The following MYO5A variants were observed in gnomAD, a reference collection of about 807,000 sequenced individuals.
MYO5A encodes myosin VA.
A neutral mutation model predicts 249.7 loss-of-function variants in MYO5A; 98 were observed. The ratio of observed to expected loss-of-function variants is 0.39; its 90% CI spans 0.33 to 0.46. MYO5A has a LOEUF of 0.46. Among genes scored for constraint, MYO5A ranks in the 20% least tolerant of loss-of-function variants. MYO5A has a pLI of 0.98. For synonymous variants in MYO5A, 778 were observed against 810.6 expected (o/e 0.96, Z 0.68); for missense variants, 1,696 against 2,308.8 (o/e 0.73, Z 5.44).
chr15:52,455,276 C>A (rs2076095374), intron 1 of MYO5A, among the ~76,000 whole-genome samples: 1 of 151,856 alleles, frequency 6.6e-6, no homozygotes, highest in Non-Finnish European at 1.5e-5. Flanking sequence ...AAATTGAAAA[C>A]CTGAACTAAT....
At chr15:52,408,806 G>A (rs1277760062) in intron 6 of MYO5A, among the ~76,000 whole-genome samples, 1 of 152,104 alleles carries the variant, frequency 6.6e-6, no homozygotes, top group South Asian at 2.1e-4. Context: ...AGTATACTCA[G>A]TTGGCTAATG....
At position 52,307,826 on chromosome 15, in the gene MYO5A, C is replaced by A. The variant is rs182750430; in HGVS notation, c.*5870G>T. The stretch of plus-strand genomic sequence containing the variant: ...ACTCATTTTTGCGCAACACTGTTAG[C>A]GCAATTTAAATCTCCCAAAGACACA... On this transcript the variant is annotated 3_prime_UTR_variant, in exon 42 of 42. Coordinates refer to ENST00000399233, the MANE Select transcript of MYO5A (RefSeq NM_001382347.1). 6.6e-6 allele frequency: 1 copy of A among 152,140 alleles called. No individual in the cohort carries two copies. The highest frequency in any genetic ancestry group is 1.9e-4 in the East Asian group (1 of 5,184). The allele number at this position is 152,140 out of a possible 1,614,324, so 9.4% of individuals were successfully genotyped here.
intron 1 of MYO5A, among the ~76,000 whole-genome samples, chr15:52,520,424 C>T (rs17651692): frequency 0.15 from 22,422 of 152,142 alleles, 1,776 homozygotes; most frequent in Middle Eastern, 0.22. Flanking sequence ...TTCCTCCAGG[C>T]CCAGTGCTGT....
chr15:52,320,863 A>G (rs941903446), intron 38 of MYO5A, among the ~76,000 whole-genome samples: 12 of 152,138 alleles, frequency 7.9e-5, no homozygotes, highest in Admixed American at 7.9e-4. Flanking sequence ...AATGCAAAAA[A>G]TTAACTGGGC....
chr15:52,356,823 T>TTTTC (rs1555432798), intron 25 of MYO5A, among the ~76,000 whole-genome samples: 1 of 127,788 alleles, frequency 7.8e-6, no homozygotes, highest in African/African-American at 4.3e-5. Context: ...TTTTTTATTT[T>TTTTC]CAGGAATTGT....
intron 5 of MYO5A, among the ~76,000 whole-genome samples, chr15:52,414,194 G>A (rs1029735683): frequency 1.3e-5 from 2 of 152,204 alleles, no homozygotes; most frequent in South Asian, 2.1e-4. Context: ...CAGGTTTCCC[G>A]TTTGTGTGTG....
intron 1 of MYO5A, among the ~76,000 whole-genome samples, chr15:52,447,832 GATT>G (rs1369755623): frequency 2.0e-5 from 3 of 152,202 alleles, no homozygotes; most frequent in African/African-American, 7.2e-5. Context: ...TGAGAGAGAT[GATT>G]TAGAGTATCT....
intron 5 of MYO5A, among the ~76,000 whole-genome samples, chr15:52,413,739 T>A (rs2043349548): frequency 6.6e-6 from 1 of 152,208 alleles, no homozygotes; most frequent in Admixed American, 6.5e-5. Context: ...GAGATGCCCT[T>A]TTTTGTAGTT....
At position 52,370,136 on chromosome 15, in the gene MYO5A, C is replaced by T. The variant is rs192813522; in HGVS notation, c.3066+33G>A. ...GATGACAGCACCTCTCTTTTGTGTA[C>T]GGAGTAGATGGGGATATGGACATTA... is the stretch of plus-strand genomic sequence containing the variant. On this transcript the variant is annotated intron_variant, in intron 22 of 41. Transcript: ENST00000399233. 36 of 1,613,124 alleles carry T rather than the reference C, an allele frequency of 2.2e-5. No homozygotes were observed. The East Asian group carries it at 2.9e-4, about 13-fold the overall frequency.
In MYO5A at chr15:52,416,190, C is replaced by T. The variant is rs750385472; in HGVS notation, c.567G>A (p.Glu189=). ...YFATVSGSAS[E]ANVEEKVLAS... ...CCAAGACCTTTTCCTCCACATTGGC[C>T]TCACTGGCAGAACCACTCACAGTTG... Residue 189 remains glutamate, a synonymous_variant, in exon 5 of 42, where the codon GAG becomes GAA. Transcript: ENST00000399233. 2.5e-6 allele frequency: 4 copies of T among 1,613,958 alleles called. No individual in the cohort carries two copies. Among genetic ancestry groups the T allele is most frequent in the Admixed American group, 3.3e-5 (2 of 59,992 alleles).
At chr15:52,460,654 C>CGGGCGA (rs1555456835) in intron 1 of MYO5A, among the ~76,000 whole-genome samples, 1 of 143,682 alleles carries the variant, frequency 7.0e-6, no homozygotes, top group Non-Finnish European at 1.6e-5. Context: ...AGACGAGGAC[C>CGGGCGA]GTGCGAGGGC....
intron 8 of MYO5A, among the ~76,000 whole-genome samples, chr15:52,405,745 G>A (rs959333784): frequency 6.6e-6 from 1 of 152,140 alleles, no homozygotes; most frequent in Non-Finnish European, 1.5e-5. Context: ...AAGATTAAAT[G>A]AGATTAAATG....
intron 27 of MYO5A, 34 bp from the exon 28 acceptor site, chr15:52,351,515 T>C (rs530431159): frequency 6.3e-7 from 1 of 1,588,516 alleles, no homozygotes; most frequent in African/African-American, 1.3e-5. Flanking sequence ...TTCATTGCTG[T>C]CATCCTCAAC....
chr15:52,354,032 C>G lies in MYO5A; in HGVS notation c.3424-18G>C. Reference sequence around the variant, plus strand: ...CTTGGTTCCTAAACCCCAGGAATCACAAAGATGGTCAAGACAAGCCAGAAG... The same window carrying G: ...CTTGGTTCCTAAACCCCAGGAATCAGAAAGATGGTCAAGACAAGCCAGAAG... On this transcript the variant is annotated intron_variant, in intron 25 of 41. Transcript: ENST00000399233. 2 of 1,613,982 alleles carry G rather than the reference C, an allele frequency of 1.2e-6. No homozygotes were observed. Among genetic ancestry groups the G allele is most frequent in the South Asian group, 2.2e-5 (2 of 91,064 alleles).
intron 1 of MYO5A, among the ~76,000 whole-genome samples, chr15:52,469,204 C>G (rs2076409390): frequency 6.6e-6 from 1 of 152,128 alleles, no homozygotes; most frequent in African/African-American, 2.4e-5. Context: ...TGCCAATCCC[C>G]TGCACAGTTG....
intron 1 of MYO5A, among the ~76,000 whole-genome samples, chr15:52,526,199 A>G (rs1292516640): frequency 6.6e-6 from 1 of 152,212 alleles, no homozygotes; most frequent in East Asian, 1.9e-4. Flanking sequence ...TTTTTTTTCA[A>G]CACACGGTCT....
At chr15:52,338,199 C>CA (rs1824953245) in intron 32 of MYO5A, among the ~76,000 whole-genome samples, 1 of 150,374 alleles carries the variant, frequency 6.7e-6, no homozygotes, top group Non-Finnish European at 1.5e-5. Flanking sequence ...GCCTCCCCAA[C>CA]ACATGATGCT....
chr15:52,379,059 A>C (rs146960565), intron 18 of MYO5A, among the ~76,000 whole-genome samples: 4 of 152,302 alleles, frequency 2.6e-5, no homozygotes, highest in Admixed American at 2.6e-4. Flanking sequence ...CCCTATGCTT[A>C]CCCTGCTCTT....
chr15:52,313,164 G>A lies in MYO5A; in HGVS notation c.*532C>T, dbSNP rs1286954703. 1 of 161,834 alleles carries A rather than the reference G, an allele frequency of 6.2e-6. No individual in the cohort carries two copies. The highest frequency in any genetic ancestry group is 1.8e-4 in the East Asian group (1 of 5,684). The allele number at this position is 161,834 out of a possible 1,614,324, so 10.0% of individuals were successfully genotyped here. A position where few individuals can be genotyped will look rare whatever the true frequency, so the allele number is the denominator to read the frequency against. On this transcript the variant is annotated 3_prime_UTR_variant, in exon 42 of 42. Transcript: ENST00000399233. ...TCTATATCATAGTGACACAAATGAG[G>A]AATTACTTTACATATTGCCAGTTTA... is the stretch of plus-strand genomic sequence containing the variant.
Sources: allele counts gnomAD v4.1 joint callset (sites outside exome capture counted in the v4.1 genomes callset), GRCh38; gene constraint gnomAD v4.1.1; transcripts MANE v1.5; gene names NCBI Gene and HGNC (gene_info 2026-07-23, HGNC 2026-07-21).